The following RNF216 variants were observed in gnomAD, a reference collection of about 807,000 sequenced individuals.
RNF216 encodes the protein E3 ubiquitin-protein ligase RNF216.
In RNF216, 72 loss-of-function variants were observed where a neutral mutation model predicts 110.8. The ratio of observed to expected loss-of-function variants is 0.65; its 90% CI spans 0.54 to 0.79. The LOEUF (loss-of-function observed/expected upper bound fraction) is 0.79, where lower values mean the gene tolerates loss of function less well. RNF216 is among the 30% of genes least tolerant of loss of function. The pLI is 0.00. For missense variants in RNF216, 1,342 were observed against 1,141.2 expected, an observed-to-expected ratio of 1.18 and a Z score of -2.54; for synonymous variants, 495 against 407.5, an observed-to-expected ratio of 1.21 and a Z score of -2.59.
chr7:5,677,973 T>C (rs1434886137), intron 13 of RNF216, among the ~76,000 whole-genome samples: 1 of 152,144 alleles, frequency 6.6e-6, no homozygotes, highest in African/African-American at 2.4e-5. Flanking sequence ...AAGACCACAG[T>C]GATCTTTCCA....
chr7:5,715,983 TGC>T (rs1241823478), intron 10 of RNF216, among the ~76,000 whole-genome samples: 4 of 152,268 alleles, frequency 2.6e-5, no homozygotes, highest in African/African-American at 9.6e-5. Context: ...CCTCGTGATG[TGC>T]CTGCCTTGGC....
intron 14 of RNF216, chr7:5,649,504 G>A (rs1056347156): frequency 2.0e-5 from 3 of 152,004 alleles, no homozygotes; most frequent in Non-Finnish European, 4.4e-5. Flanking sequence ...ATAAGACACT[G>A]TCTCAAGGCG....
intron 14 of RNF216, among the ~76,000 whole-genome samples, chr7:5,648,794 C>T (rs553208255): frequency 1.3e-5 from 2 of 151,300 alleles, no homozygotes; most frequent in Non-Finnish European, 1.5e-5. Flanking sequence ...AATGATACCA[C>T]GAGAAACCAG....
intron 13 of RNF216, among the ~76,000 whole-genome samples, chr7:5,656,642 T>C (rs1289339825): frequency 6.6e-6 from 1 of 152,204 alleles, no homozygotes; most frequent in Non-Finnish European, 1.5e-5. Flanking sequence ...TCATGGAGGT[T>C]GCTGGTTAAG....
chr7:5,687,394 CAAAAAA>C (rs372177142), intron 13 of RNF216, among the ~76,000 whole-genome samples: 1 of 49,898 alleles, frequency 2.0e-5, no homozygotes, highest in Non-Finnish European at 4.5e-5. Context: ...AACTCCACCT[CAAAAAA>C]AAAAAAAAAA....
intron 7 of RNF216, among the ~76,000 whole-genome samples, chr7:5,727,198 G>C (rs1424948223): frequency 6.6e-6 from 1 of 152,170 alleles, no homozygotes; most frequent in Non-Finnish European, 1.5e-5. Flanking sequence ...TTGAGAAGGT[G>C]ATCTCATCTC....
chr7:5,676,372 T>G (rs915932352), intron 13 of RNF216, among the ~76,000 whole-genome samples: 1 of 152,152 alleles, frequency 6.6e-6, no homozygotes, highest in Admixed American at 6.5e-5. Context: ...TATGCAAACT[T>G]TTAACACAAA....
At position 5,779,265 on chromosome 7, in the gene RNF216, C is replaced by T. The variant is rs556321142; in HGVS notation, c.-70+2276G>A. Among the ~76,000 whole-genome samples, 8 of 152,170 alleles carry T rather than the reference C, an allele frequency of 5.3e-5. No homozygotes were observed. In the South Asian group the frequency reaches 1.7e-3, roughly 32 times the overall value. Reference sequence around the variant, plus strand: ...CTAACCCTTCTTTATCAGATTTCTCCACAGGGGCTTCAGGAGTTCTCTTTT... The same window carrying T: ...CTAACCCTTCTTTATCAGATTTCTCTACAGGGGCTTCAGGAGTTCTCTTTT... On this transcript the variant is annotated intron_variant, in intron 1 of 16. Transcript: ENST00000389902.
At chr7:5,655,660 C>T (rs955292037) in intron 13 of RNF216, among the ~76,000 whole-genome samples, 4 of 151,502 alleles carry the variant, frequency 2.6e-5, no homozygotes, top group Non-Finnish European at 4.4e-5. Context: ...AGATATGAAA[C>T]CCACAATTAA....
chr7:5,740,918 A>AT, intron 4 of RNF216, 55 bp downstream of exon 4: 1 of 1,484,306 alleles, frequency 6.7e-7, no homozygotes, highest in Non-Finnish European at 9.0e-7. Flanking sequence ...AAAAAAAAAA[A>AT]GAAAAAAACT....
intron 13 of RNF216, among the ~76,000 whole-genome samples, chr7:5,661,419 A>T (rs1402716086): frequency 6.6e-6 from 1 of 152,212 alleles, no homozygotes; most frequent in East Asian, 1.9e-4. Context: ...CTGAAAACTT[A>T]CACATCTTCA....
intron 1 of RNF216, among the ~76,000 whole-genome samples, chr7:5,771,994 A>T (rs1388194179): frequency 1.3e-5 from 2 of 152,090 alleles, no homozygotes; most frequent in African/African-American, 4.8e-5. Context: ...AGCACTTTGG[A>T]AGGCCGAGGC....
At chr7:5,656,328 T>A (rs1046746663) in intron 13 of RNF216, among the ~76,000 whole-genome samples, 1 of 152,184 alleles carries the variant, frequency 6.6e-6, no homozygotes, top group African/African-American at 2.4e-5. Flanking sequence ...GACTCTTGCA[T>A]GTTTAACATG....
chr7:5,692,492 G>C (rs1055010127), intron 13 of RNF216, among the ~76,000 whole-genome samples: 3 of 152,154 alleles, frequency 2.0e-5, no homozygotes, highest in Admixed American at 6.5e-5. Context: ...AATTCCCGCG[G>C]GGCCCTGACT....
intron 13 of RNF216, among the ~76,000 whole-genome samples, chr7:5,657,016 T>C (rs1027329697): frequency 1.3e-5 from 2 of 152,244 alleles, no homozygotes; most frequent in African/African-American, 4.8e-5. Flanking sequence ...TTTGTTTCCT[T>C]GCCTTCCTTG....
At chr7:5,718,432 T>C (rs1793201729) in intron 9 of RNF216, among the ~76,000 whole-genome samples, 1 of 152,202 alleles carries the variant, frequency 6.6e-6, no homozygotes, top group South Asian at 2.1e-4. Flanking sequence ...AGCTAGATAT[T>C]TCTGAATATT....
At position 5,622,712 on chromosome 7, in the gene RNF216, C is replaced by CTAG. The variant is rs1584322660; in HGVS notation, c.*147_*148insCTA. On this transcript the variant is annotated 3_prime_UTR_variant, in exon 17 of 17. Transcript: ENST00000389902. ...GTCCACTCTTCCAGGAGCAGTAGCCCTTCTAGGAAAGGGGTGGGAAGAAAA... is the reference window on the plus strand; with the variant it reads ...GTCCACTCTTCCAGGAGCAGTAGCCCTAGTTCTAGGAAAGGGGTGGGAAGAAAA... 1 of 764,038 alleles carries CTAG rather than the reference C, an allele frequency of 1.3e-6. No individual in the cohort carries two copies. Among genetic ancestry groups the CTAG allele is most frequent in the East Asian group, 2.5e-5 (1 of 39,470 alleles). 47.3% of individuals were successfully genotyped at this position (764,038 alleles called of 1,614,324 possible).
rs781290798 is a variant in RNF216 at position 5,741,827 on chromosome 7, T to C, written c.202-12A>G. The C allele has an allele frequency of 6.3e-7, 1 of 1,578,818 alleles. No homozygotes were observed. Among genetic ancestry groups the C allele is most frequent in the South Asian group, 1.2e-5 (1 of 84,670 alleles). ...TGAGGTTTATTTGTCTAAGAAAAAA[T>C]GAAATTTTAATAATTCAATTTCTTT... On this transcript the variant is annotated splice_polypyrimidine_tract_variant and intron_variant, in intron 3 of 16. Coordinates refer to ENST00000389902, the MANE Select transcript of RNF216 (RefSeq NM_207111.4).
At chr7:5,685,052 C>T (rs990650999) in intron 13 of RNF216, among the ~76,000 whole-genome samples, 14 of 152,088 alleles carry the variant, frequency 9.2e-5, no homozygotes, top group Non-Finnish European at 1.8e-4. Flanking sequence ...TGGTGAGCCA[C>T]GCTCTGGATG....
Sources: allele counts gnomAD v4.1 joint callset (sites outside exome capture counted in the v4.1 genomes callset), GRCh38; gene constraint gnomAD v4.1.1; transcripts MANE v1.5; gene names NCBI Gene and HGNC (gene_info 2026-07-23, HGNC 2026-07-21).